Variants in FUT8 observed in about 807,000 individuals in gnomAD.
FUT8 encodes the protein fucosyltransferase 8.
FUT8 carries 29 observed loss-of-function variants against 71.3 expected under a neutral mutation model. The observed-to-expected ratio is 0.41, with a 90% confidence interval of 0.30 to 0.55. The LOEUF (loss-of-function observed/expected upper bound fraction) is 0.55. Ranked by LOEUF, FUT8 falls within the 20% of genes least tolerant of loss-of-function variation. FUT8 has a pLI of 0.34. For synonymous variants in FUT8, 254 were observed against 239.3 expected, an observed-to-expected ratio of 1.06 and a Z score of -0.57; for missense variants, 544 against 702.1, an observed-to-expected ratio of 0.77 and a Z score of 2.55.
At chr14:65,371,320 A>C in the FUT8 span, among the ~76,000 whole-genome samples, 1 of 152,246 alleles carries the variant, frequency 6.6e-6, no homozygotes, top group Admixed American at 6.5e-5. Flanking sequence ...TATATTTCCT[A>C]CAAACAAGGA....
Position 65,485,859 on chromosome 14 carries a change from A to C in FUT8, c.-228+30141A>C, listed in dbSNP as rs80317484. 6.4e-3 allele frequency among the ~76,000 whole-genome samples: 977 copies of C among 152,290 alleles called. 16 individuals are homozygous for C. The highest frequency in any genetic ancestry group is 0.022 in the African/African-American group (912 of 41,552). ...CTGGGCCTTAGCCTGAAAAGTCTCC[A>C]AAGGTTGTAAGCTGGGACAATTGAA... On this transcript the variant is annotated intron_variant, in intron 2 of 10. Transcript: ENST00000673929.
chr14:65,643,550 A>T lies in FUT8; in HGVS notation c.597+13944A>T, dbSNP rs1351081513. Among the ~76,000 whole-genome samples the T allele has an allele frequency of 6.6e-6, 1 of 152,110 alleles. No individual in the cohort carries two copies. The highest frequency in any genetic ancestry group is 2.4e-5 in the African/African-American group (1 of 41,420). ...GCACCTGTAGTCTCAGCTACTCAGGAGGCTGAGGCAGGAGAATGGCGTGAA... is the reference window on the plus strand; with the variant it reads ...GCACCTGTAGTCTCAGCTACTCAGGTGGCTGAGGCAGGAGAATGGCGTGAA... On this transcript the variant is annotated intron_variant, in intron 6 of 10. Coordinates refer to ENST00000673929, the MANE Select transcript of FUT8 (RefSeq NM_001371533.1). This position sits in a 1 kb window ranked among gnomAD's most constrained non-coding sequence, Gnocchi z 4.5.
intron 1 of FUT8, among the ~76,000 whole-genome samples, chr14:65,417,619 T>G (rs1237240662): frequency 2.0e-5 from 3 of 152,126 alleles, no homozygotes; most frequent in Non-Finnish European, 4.4e-5. Context: ...CCATCTACTT[T>G]AAAAAAATAC....
chr14:65,598,479 C>T (rs1422770082), intron 3 of FUT8, among the ~76,000 whole-genome samples: 1 of 152,164 alleles, frequency 6.6e-6, no homozygotes, highest in Non-Finnish European at 1.5e-5. Flanking sequence ...CCTCGGCCTC[C>T]CAAAGTGCTA....
At chr14:65,606,374 G>A (rs1888590508) in intron 3 of FUT8, among the ~76,000 whole-genome samples, 1 of 151,506 alleles carries the variant, frequency 6.6e-6, no homozygotes, top group Non-Finnish European at 1.5e-5. Context: ...ACTGTGCCCT[G>A]CCCAAAAATT....
At chr14:65,462,973 C>A (rs1355698679) in intron 2 of FUT8, among the ~76,000 whole-genome samples, 1 of 152,172 alleles carries the variant, frequency 6.6e-6, no homozygotes, top group Non-Finnish European at 1.5e-5. Flanking sequence ...CTGTATGTAG[C>A]CCTTCCATCA....
At chr14:65,709,463 C>T (rs1042741399) in intron 7 of FUT8, among the ~76,000 whole-genome samples, 1 of 152,038 alleles carries the variant, frequency 6.6e-6, no homozygotes, top group South Asian at 2.1e-4. Context: ...TTTCTGATTA[C>T]ATCAAAAAGA....
At chr14:65,712,513 C>T (rs546001468) in intron 7 of FUT8, among the ~76,000 whole-genome samples, 7 of 152,246 alleles carry the variant, frequency 4.6e-5, no homozygotes, top group African/African-American at 9.6e-5. Context: ...GGCATGATGT[C>T]GGCTCACTGC....
intron 1 of FUT8, among the ~76,000 whole-genome samples, chr14:65,424,396 G>A (rs1217685365): frequency 6.6e-6 from 1 of 152,100 alleles, no homozygotes; most frequent in Non-Finnish European, 1.5e-5. Flanking sequence ...GTGGCTAAGT[G>A]TGTGGTATAA....
rs559119839 is a variant in FUT8 at position 65,550,371 on chromosome 14, T to C, written c.-227-10966T>C. ...ATCATAGCTTAGCCTACCTTAAATG[T>C]GCCCAGAACACTTATATTAGCCTAC... On this transcript the variant is annotated intron_variant, in intron 2 of 10. Transcript: ENST00000673929. This position sits in a 1 kb window ranked among gnomAD's most constrained non-coding sequence, Gnocchi z 4.5. 4.5e-4 allele frequency among the ~76,000 whole-genome samples: 69 copies of C among 152,190 alleles called. No individual in the cohort carries two copies. Among genetic ancestry groups the C allele is most frequent in the Non-Finnish European group, 7.2e-4 (49 of 68,020 alleles).
At chr14:65,704,015 A>C (rs958585708) in intron 7 of FUT8, among the ~76,000 whole-genome samples, 10 of 152,196 alleles carry the variant, frequency 6.6e-5, no homozygotes, top group African/African-American at 2.2e-4. Context: ...TCTACTTAAT[A>C]ATTCTTATAT....
intron 1 of FUT8, among the ~76,000 whole-genome samples, chr14:65,414,571 A>T (rs2139355397): frequency 6.6e-6 from 1 of 152,308 alleles, no homozygotes; most frequent in Admixed American, 6.5e-5. Context: ...TAATTACTTG[A>T]TTTGTAAATA....
upstream of FUT8, chr14:65,412,203 T>C (rs978255966): frequency 2.2e-6 from 1 of 456,576 alleles, no homozygotes; most frequent in African/African-American, 2.0e-5. Flanking sequence ...CTGAGTCTCC[T>C]GGGGGAGCGA....
intron 2 of FUT8, among the ~76,000 whole-genome samples, chr14:65,488,906 T>C (rs1291655820): frequency 1.3e-5 from 2 of 151,970 alleles, no homozygotes; most frequent in African/African-American, 4.8e-5. Context: ...ACCATCGACC[T>C]TGTACTTTTT....
intron 1 of FUT8, among the ~76,000 whole-genome samples, chr14:65,439,982 ATATATAT>A (rs1299582266): frequency 5.0e-5 from 7 of 139,426 alleles, no homozygotes; most frequent in Admixed American, 5.0e-4. Context: ...ATATATATAT[ATATATAT>A]ATGTACACAC....
At chr14:65,386,423 A>G in the FUT8 span, among the ~76,000 whole-genome samples, 1 of 146,134 alleles carries the variant, frequency 6.8e-6, no homozygotes, top group Non-Finnish European at 1.5e-5. Context: ...AGCATCTCTG[A>G]GCCCAGGGAG....
chr14:65,736,900 T>G (rs1247145249), intron 10 of FUT8, among the ~76,000 whole-genome samples: 1 of 152,150 alleles, frequency 6.6e-6, no homozygotes, highest in Non-Finnish European at 1.5e-5. Flanking sequence ...TTTATTCATG[T>G]AAACTTTCTG....
At chr14:65,462,600 G>A (rs2065983884) in intron 2 of FUT8, among the ~76,000 whole-genome samples, 1 of 152,148 alleles carries the variant, frequency 6.6e-6, no homozygotes, top group South Asian at 2.1e-4. Context: ...TGAATCATGT[G>A]CTATTGAATT....
chr14:65,602,338 A>ATC (rs200274176), intron 3 of FUT8, among the ~76,000 whole-genome samples: 25 of 23,578 alleles, frequency 1.1e-3, no homozygotes, highest in Admixed American at 3.0e-3. Flanking sequence ...GTAGCGTTCC[A>ATC]TCTCTCACAC....
Sources: gnomAD v4.1 joint callset for allele counts (sites outside exome capture counted in the v4.1 genomes callset) on GRCh38, gnomAD v4.1.1 for gene constraint, Gnocchi (gnomAD v3.1) non-coding constraint, MANE v1.5 for transcripts, NCBI Gene and HGNC (gene_info 2026-07-23, HGNC 2026-07-21) for gene names.